The following CC2D2B variants were observed in gnomAD, a reference collection of about 807,000 sequenced individuals.
CC2D2B encodes protein CC2D2B.
A neutral mutation model predicts 161.2 loss-of-function variants in CC2D2B; 128 were observed. The ratio of observed to expected loss-of-function variants is 0.79; its 90% CI spans 0.69 to 0.92. The LOEUF (loss-of-function observed/expected upper bound fraction) is 0.92. CC2D2B is among the 40% of genes least tolerant of loss of function. The pLI is 0.00. For synonymous variants in CC2D2B, 391 were observed against 449.8 expected (o/e 0.87, Z 1.65); for missense variants, 1,173 against 1,375.1 (o/e 0.85, Z 2.32).
At chr10:96,028,903 T>C (rs1343256380) in intron 34 of CC2D2B, among the ~76,000 whole-genome samples, 2 of 152,084 alleles carry the variant, frequency 1.3e-5, no homozygotes, top group Non-Finnish European at 2.9e-5. Context: ...TGTTCTCACT[T>C]ATTTGTGGGA....
In CC2D2B at chr10:95,992,714, C is replaced by T; in HGVS notation, c.2642+17C>T. The T allele has an allele frequency of 8.1e-7, 1 of 1,229,494 alleles. No homozygotes were observed. Among genetic ancestry groups the T allele is most frequent in the South Asian group, 4.1e-5 (1 of 24,288 alleles). 76.2% of individuals were successfully genotyped at this position (1,229,494 alleles called of 1,614,324 possible). Reference sequence around the variant, plus strand: ...AATTAATGGGTAAGGCAATATGCCCCAATTTTTAGAGTTGCAAAAGGTCTA... The same window carrying T: ...AATTAATGGGTAAGGCAATATGCCCTAATTTTTAGAGTTGCAAAAGGTCTA... On this transcript the variant is annotated intron_variant, in intron 22 of 34. Transcript: ENST00000646931.
intron 26 of CC2D2B, among the ~76,000 whole-genome samples, chr10:96,011,505 G>A (rs1211243060): frequency 6.6e-6 from 1 of 152,106 alleles, no homozygotes; most frequent in African/African-American, 2.4e-5. Flanking sequence ...TCAAGCACTT[G>A]GCACAGGGTC....
At chr10:96,026,313 T>C (rs1321364091) in intron 33 of CC2D2B, among the ~76,000 whole-genome samples, 1 of 152,156 alleles carries the variant, frequency 6.6e-6, no homozygotes, top group Non-Finnish European at 1.5e-5. Context: ...CCTGGCATAT[T>C]CATCCCCAGG....
intron 24 of CC2D2B, among the ~76,000 whole-genome samples, chr10:96,001,459 C>G (rs1254278555): frequency 1.3e-5 from 2 of 151,970 alleles, no homozygotes; most frequent in East Asian, 1.9e-4. Context: ...TTATCTGAAG[C>G]CTATGTTAAT....
At chr10:96,020,044 T>C (rs1038334098) in intron 32 of CC2D2B, 1 of 434,640 alleles carries the variant, frequency 2.3e-6, no homozygotes, top group African/African-American at 2.1e-5. Context: ...TAAATGCAAA[T>C]TTAGATGCTA....
At chr10:96,027,157 A>G (rs920712561) in intron 33 of CC2D2B, 55 bp from the exon 34 acceptor site, 5 of 1,258,264 alleles carry the variant, frequency 4.0e-6, no homozygotes, top group African/African-American at 1.6e-5. Context: ...CTCTTATTAT[A>G]TTTACCAAAT....
intron 24 of CC2D2B, 82 bp from the exon 25 acceptor site, chr10:96,004,070 T>C (rs1590842919): frequency 1.3e-6 from 1 of 787,690 alleles, no homozygotes; most frequent in Admixed American, 3.7e-5. Flanking sequence ...GGTAATTTTA[T>C]AGTTCTTTAT....
At chr10:95,969,825 C>T (rs997116450) in intron 15 of CC2D2B, among the ~76,000 whole-genome samples, 11 of 151,930 alleles carry the variant, frequency 7.2e-5, no homozygotes, top group African/African-American at 2.7e-4. Context: ...ATAATCCAAT[C>T]ACTTGAAGTT....
At chr10:95,967,137 C>A (rs1014441525) in intron 14 of CC2D2B, among the ~76,000 whole-genome samples, 11 of 152,144 alleles carry the variant, frequency 7.2e-5, no homozygotes, top group Non-Finnish European at 1.5e-4. Context: ...ACCAAAAGGG[C>A]AGCAGACACA....
At chr10:95,998,299 G>T (rs1411911946) in intron 24 of CC2D2B, among the ~76,000 whole-genome samples, 3 of 151,986 alleles carry the variant, frequency 2.0e-5, no homozygotes, top group Admixed American at 2.0e-4. Context: ...TAACGTTAGG[G>T]TTTACTCTTG....
intron 17 of CC2D2B, among the ~76,000 whole-genome samples, chr10:95,977,578 A>G (rs1004406535): frequency 1.3e-5 from 2 of 152,198 alleles, no homozygotes; most frequent in Non-Finnish European, 2.9e-5. Context: ...TTCTCGATTT[A>G]CTTTTCATGC....
chr10:95,918,258 T>A (rs967427274), intron 2 of CC2D2B, among the ~76,000 whole-genome samples: 1 of 152,232 alleles, frequency 6.6e-6, no homozygotes, highest in Non-Finnish European at 1.5e-5. Context: ...TCCTTTTCTT[T>A]CAGATTAAAG....
chr10:95,923,022 G>A (rs1044013710), intron 3 of CC2D2B, among the ~76,000 whole-genome samples: 24 of 151,370 alleles, frequency 1.6e-4, no homozygotes, highest in African/African-American at 5.8e-4. Flanking sequence ...GCGTGATCTC[G>A]GCTCACCACA....
At chr10:96,029,241 C>T (rs1176776489) in intron 34 of CC2D2B, among the ~76,000 whole-genome samples, 2 of 67,156 alleles carry the variant, frequency 3.0e-5, no homozygotes, top group Non-Finnish European at 7.1e-5. Flanking sequence ...TTTCATGTAC[C>T]ATATATATAT....
At chr10:95,929,275 A>T (rs994717436) in intron 6 of CC2D2B, among the ~76,000 whole-genome samples, 1 of 151,892 alleles carries the variant, frequency 6.6e-6, no homozygotes, top group East Asian at 1.9e-4. Flanking sequence ...TGTTTAAGTT[A>T]TTTGTAGATT....
At chr10:95,933,336 TAGCTCA>T (rs1382499777) in intron 6 of CC2D2B, among the ~76,000 whole-genome samples, 2 of 152,166 alleles carry the variant, frequency 1.3e-5, no homozygotes, top group Non-Finnish European at 2.9e-5. Context: ...CATGCTCTTT[TAGCTCA>T]GAGGAATTTG....
rs57187442 is a variant in CC2D2B at position 96,003,021 on chromosome 10, A to AATATATATATATATATATAT, written c.2850-1127_2850-1108dup. On this transcript the variant is annotated intron_variant, in intron 24 of 34. Coordinates refer to ENST00000646931, the MANE Select transcript of CC2D2B (RefSeq NM_001349008.3). The stretch of plus-strand genomic sequence containing the variant: ...TAGACCCTGTCTCAAAAAATAAATA[A>AATATATATATATATATATAT]ATATATATATATATATATATATAGA... Among the ~76,000 whole-genome samples, 759 of 140,344 alleles carry AATATATATATATATATATAT rather than the reference A, an allele frequency of 5.4e-3. 1 individual carries two copies. The highest frequency in any genetic ancestry group is 0.011 in the Middle Eastern group (3 of 266). 92.1% of individuals were successfully genotyped at this position (140,344 alleles called of 152,430 possible).
At position 95,972,188 on chromosome 10, in the gene CC2D2B, C is replaced by A; in HGVS notation, c.1767C>A (p.Val589=). ...QYVEFSSDKL[V]MPADGEVGSN... ...TAGAGTTTAGCTCTGATAAGCTGGTCATGCCTGCCGATGGAGAAGTAGGAA... is the reference window on the plus strand; with the variant it reads ...TAGAGTTTAGCTCTGATAAGCTGGTAATGCCTGCCGATGGAGAAGTAGGAA... The change falls in exon 16 of 35, where the codon GTC becomes GTA. Residue 589 remains valine, a synonymous_variant. Transcript: ENST00000646931. 2 of 1,232,012 alleles carry A rather than the reference C, an allele frequency of 1.6e-6. No individual in the cohort carries two copies. Among genetic ancestry groups the A allele is most frequent in the South Asian group, 8.2e-5 (2 of 24,278 alleles). 76.3% of individuals were successfully genotyped at this position (1,232,012 alleles called of 1,614,324 possible). A position where few individuals can be genotyped will look rare whatever the true frequency, so the allele number is the denominator to read the frequency against.
chr10:95,914,732 C>T (rs1462461995), intron 2 of CC2D2B, among the ~76,000 whole-genome samples: 4 of 152,166 alleles, frequency 2.6e-5, no homozygotes, highest in Admixed American at 1.3e-4. Context: ...TTTCCTGAGG[C>T]CTCCCCAGCA....
Sources: gnomAD v4.1 joint callset for allele counts (sites outside exome capture counted in the v4.1 genomes callset) on GRCh38, gnomAD v4.1.1 for gene constraint, MANE v1.5 for transcripts, NCBI Gene and HGNC (gene_info 2026-07-23, HGNC 2026-07-21) for gene names.